TPD52L1: variants seen among roughly 807,000 people sequenced by gnomAD.
The protein encoded by TPD52L1 is tumor protein D53.
A neutral mutation model predicts 28.7 loss-of-function variants in TPD52L1; 18 were observed. That is an observed-to-expected ratio of 0.63 (90% CI 0.43 to 0.93). The LOEUF (loss-of-function observed/expected upper bound fraction) is 0.93. Ranked by LOEUF, TPD52L1 falls within the 40% of genes least tolerant of loss-of-function variation. The pLI is 0.00. For missense variants in TPD52L1, 203 were observed against 254.8 expected (o/e 0.80, Z 1.39); for synonymous variants, 75 against 88.8 (o/e 0.84, Z 0.88).
chr6:125,188,873 T>C (rs1792843409), intron 1 of TPD52L1, among the ~76,000 whole-genome samples: 1 of 152,254 alleles, frequency 6.6e-6, no homozygotes, highest in African/African-American at 2.4e-5. Context: ...TTTTACTTTA[T>C]TTCACATATG....
At chr6:125,254,797 A>G (rs1025585332) in intron 5 of TPD52L1, among the ~76,000 whole-genome samples, 1 of 152,142 alleles carries the variant, frequency 6.6e-6, no homozygotes, top group African/African-American at 2.4e-5. Flanking sequence ...AAATCTTATT[A>G]AAGTTGTACA....
chr6:125,192,713 A>G (rs932809048), intron 1 of TPD52L1, among the ~76,000 whole-genome samples: 5 of 152,144 alleles, frequency 3.3e-5, no homozygotes, highest in Non-Finnish European at 5.9e-5. Context: ...CCAAATACCA[A>G]CCAAGCACTT....
At chr6:125,170,667 T>A (rs1791239270) in intron 1 of TPD52L1, among the ~76,000 whole-genome samples, 1 of 152,186 alleles carries the variant, frequency 6.6e-6, no homozygotes, top group Admixed American at 6.5e-5. Context: ...CTTTTGTCTA[T>A]GACCCAGAAG....
At chr6:125,194,618 A>C (rs113970706) in intron 1 of TPD52L1, among the ~76,000 whole-genome samples, 212 of 152,304 alleles carry the variant, frequency 1.4e-3, no homozygotes, top group Non-Finnish European at 2.4e-3. Context: ...ATGATCTTCC[A>C]TATAAGATGC....
intron 4 of TPD52L1, among the ~76,000 whole-genome samples, chr6:125,248,942 G>C (rs1015838776): frequency 1.3e-5 from 2 of 151,804 alleles, no homozygotes; most frequent in Non-Finnish European, 2.9e-5. Flanking sequence ...TTATCTCCCA[G>C]TGCGTAGCTA....
intron 1 of TPD52L1, among the ~76,000 whole-genome samples, chr6:125,187,245 C>A (rs1432835353): frequency 1.3e-5 from 2 of 152,160 alleles, no homozygotes; most frequent in East Asian, 3.8e-4. Context: ...TGGCATTATG[C>A]TATATCCCTT....
At chr6:125,260,145 T>A (rs974859410) in intron 6 of TPD52L1, 17 of 152,210 alleles carry the variant, frequency 1.1e-4, no homozygotes, top group Non-Finnish European at 4.4e-5. Context: ...TTACTTCTAT[T>A]GCAAAAGAGA....
intron 1 of TPD52L1, among the ~76,000 whole-genome samples, chr6:125,207,573 C>T (rs1299043321): frequency 6.6e-6 from 1 of 152,194 alleles, no homozygotes; most frequent in Non-Finnish European, 1.5e-5. Context: ...GAGCAGAAGT[C>T]AGTTTTGCTT....
rs1012963314 is a variant in TPD52L1 at position 125,258,904 on chromosome 6, T to C, written c.486+1746T>C. Among the ~76,000 whole-genome samples, 3 of 152,218 alleles carry C rather than the reference T, an allele frequency of 2.0e-5. No individual in the cohort carries two copies. The East Asian group carries it at 5.8e-4, about 29-fold the overall frequency. On this transcript the variant is annotated intron_variant, in intron 6 of 6. Coordinates refer to ENST00000534000, the MANE Select transcript of TPD52L1 (RefSeq NM_003287.4). ...TATTTCATGGCCAAAGCCTAATTCC[T>C]CTTTTTCTGTCCACACAGGCAATGC...
At chr6:125,245,421 A>G (rs1246944896) in intron 3 of TPD52L1, among the ~76,000 whole-genome samples, 1 of 152,166 alleles carries the variant, frequency 6.6e-6, no homozygotes, top group Non-Finnish European at 1.5e-5. Flanking sequence ...TAAATTGTCC[A>G]AGGGAGGTAT....
At chr6:125,213,723 C>A (rs889767157) in intron 1 of TPD52L1, among the ~76,000 whole-genome samples, 1 of 152,236 alleles carries the variant, frequency 6.6e-6, no homozygotes, top group African/African-American at 2.4e-5. Flanking sequence ...CTGTCCAACA[C>A]CCCTGGACCT....
intron 1 of TPD52L1, among the ~76,000 whole-genome samples, chr6:125,217,646 A>G (rs1306274711): frequency 2.0e-5 from 3 of 152,146 alleles, no homozygotes; most frequent in Non-Finnish European, 4.4e-5. Flanking sequence ...CTAACAGGTA[A>G]CAGACCGGTA....
chr6:125,250,260 T>C (rs149252694), intron 4 of TPD52L1, among the ~76,000 whole-genome samples: 1 of 152,210 alleles, frequency 6.6e-6, no homozygotes, highest in Non-Finnish European at 1.5e-5. Flanking sequence ...TGAAGCTTGT[T>C]TAGAATACAT....
rs368029974 is a variant in TPD52L1 at position 125,244,511 on chromosome 6, T to C, written c.285-3771T>C. Among the ~76,000 whole-genome samples the C allele has an allele frequency of 2.0e-4, 31 of 152,342 alleles. No individual in the cohort carries two copies. In the South Asian group the frequency reaches 6.4e-3, roughly 32 times the overall value. Reference sequence around the variant, plus strand: ...CAGCCTTATTCCTGTCCCAGTGTTCTGGCTATTCGGATAAGACAGGCACCT... The same window carrying C: ...CAGCCTTATTCCTGTCCCAGTGTTCCGGCTATTCGGATAAGACAGGCACCT... On this transcript the variant is annotated intron_variant, in intron 3 of 6. Transcript: ENST00000534000.
chr6:125,164,223 T>A (rs1790731177), intron 1 of TPD52L1, among the ~76,000 whole-genome samples: 1 of 152,172 alleles, frequency 6.6e-6, no homozygotes. Flanking sequence ...CGGGCAGAAT[T>A]TAATTGTACA....
intron 1 of TPD52L1, among the ~76,000 whole-genome samples, chr6:125,172,512 C>CTATATATATATATATA (rs60135828): frequency 6.1e-5 from 1 of 16,396 alleles, no homozygotes; most frequent in Non-Finnish European, 1.1e-4. Context: ...CTCTTTCATG[C>CTATATATATATATATA]TATATATATA....
chr6:125,161,394 C>G (rs1582829342), intron 1 of TPD52L1, among the ~76,000 whole-genome samples: 1 of 152,184 alleles, frequency 6.6e-6, no homozygotes, highest in East Asian at 1.9e-4. Context: ...AGTGGAATAG[C>G]ATGCTACGTT....
At chr6:125,220,227 T>C (rs1795146329) in intron 2 of TPD52L1, 34 bp downstream of exon 2, 1 of 1,346,696 alleles carries the variant, frequency 7.4e-7, no homozygotes, top group South Asian at 1.2e-5. Flanking sequence ...GCTATTTCTA[T>C]CTCTGGATCT....
At chr6:125,206,739 A>C (rs111935859) in intron 1 of TPD52L1, among the ~76,000 whole-genome samples, 238 of 152,286 alleles carry the variant, frequency 1.6e-3, no homozygotes, top group Non-Finnish European at 2.4e-3. Context: ...ATGTTTTTTG[A>C]ACAGGGTTTT....
Sources: allele counts gnomAD v4.1 joint callset (sites outside exome capture counted in the v4.1 genomes callset), GRCh38; gene constraint gnomAD v4.1.1; transcripts MANE v1.5; gene names NCBI Gene and HGNC (gene_info 2026-07-23, HGNC 2026-07-21).